The following C1GALT1 variants were observed in gnomAD, a reference collection of about 807,000 sequenced individuals.
C1GALT1 encodes core 1 synthase, glycoprotein-N-acetylgalactosamine 3-beta-galactosyltransferase 1.
A neutral mutation model predicts 31.0 loss-of-function variants in C1GALT1; 11 were observed. That is an observed-to-expected ratio of 0.36 (90% confidence interval 0.22 to 0.59). The LOEUF is 0.59. Among genes scored for constraint, C1GALT1 ranks in the 20% least tolerant of loss-of-function variants. C1GALT1 has a pLI of 0.79. For missense variants in C1GALT1, 424 were observed against 425.2 expected, an observed-to-expected ratio of 1.00 and a Z score of 0.03; for synonymous variants, 175 against 143.6, an observed-to-expected ratio of 1.22 and a Z score of -1.56.
rs1269662705 is a variant in C1GALT1, at chr7:7,245,137, G to A, written c.*1410G>A. 6.6e-6 allele frequency: 1 copy of A among 152,184 alleles called. No homozygotes were observed. 9.4% of individuals were successfully genotyped at this position (152,184 alleles called of 1,614,324 possible). ...GACTTTCTATGAGATTATTTTTATG[G>A]TACAAAGTATTTACATTTCCCTCAT... On this transcript the variant is annotated 3_prime_UTR_variant, in exon 4 of 4. Transcript: ENST00000436587.
At chr7:7,215,212 G>A (rs939007682) in intron 1 of C1GALT1, among the ~76,000 whole-genome samples, 1 of 152,196 alleles carries the variant, frequency 6.6e-6, no homozygotes, top group Admixed American at 6.5e-5. Flanking sequence ...CAGGCTTACG[G>A]AGTCCTGGGC....
At chr7:7,231,931 G>T (rs1014050572) in intron 1 of C1GALT1, among the ~76,000 whole-genome samples, 3 of 152,228 alleles carry the variant, frequency 2.0e-5, no homozygotes, top group African/African-American at 7.2e-5. Context: ...CCGTTGTAAA[G>T]ATTGGTCTAT....
At chr7:7,219,340 G>C (rs1404818122) in intron 1 of C1GALT1, among the ~76,000 whole-genome samples, 2 of 152,260 alleles carry the variant, frequency 1.3e-5, no homozygotes, top group East Asian at 1.9e-4. Context: ...GTAAACTGTA[G>C]ACTTTGAATG....
intron 2 of C1GALT1, among the ~76,000 whole-genome samples, chr7:7,163,029 G>A (rs150966153): frequency 2.0e-5 from 3 of 151,996 alleles, no homozygotes; most frequent in Non-Finnish European, 2.9e-5. Flanking sequence ...TTTGTCAGAT[G>A]AGTAGGTTGT....
chr7:7,196,125 A>G (rs1781275645), intron 1 of C1GALT1, among the ~76,000 whole-genome samples: 1 of 152,210 alleles, frequency 6.6e-6, no homozygotes, highest in Non-Finnish European at 1.5e-5. Flanking sequence ...CACGTTTGTT[A>G]CATATGTATA....
chr7:7,225,569 T>C (rs1253522754), intron 1 of C1GALT1, among the ~76,000 whole-genome samples: 1 of 152,232 alleles, frequency 6.6e-6, no homozygotes, highest in Non-Finnish European at 1.5e-5. Context: ...TATTTTTGTT[T>C]GTTGAAAAGC....
intron 1 of C1GALT1, among the ~76,000 whole-genome samples, chr7:7,213,036 T>C (rs375214068): frequency 2.6e-5 from 4 of 152,344 alleles, no homozygotes; most frequent in African/African-American, 9.6e-5. Flanking sequence ...GGATCAACAA[T>C]ATTCCAAGCA....
intron 1 of C1GALT1, among the ~76,000 whole-genome samples, chr7:7,222,937 T>C (rs1204713970): frequency 1.3e-5 from 2 of 150,572 alleles, no homozygotes; most frequent in Non-Finnish European, 2.9e-5. Flanking sequence ...AAGATTTTTG[T>C]AGTTAAGCTT....
At chr7:7,163,376 AC>A (rs1780359036) in intron 2 of C1GALT1, among the ~76,000 whole-genome samples, 1 of 152,148 alleles carries the variant, frequency 6.6e-6, no homozygotes, top group Admixed American at 6.5e-5. Context: ...ATGGGCAAAA[AC>A]TGGAAGCATT....
intron 2 of C1GALT1, among the ~76,000 whole-genome samples, chr7:7,175,797 C>G (rs1780499394): frequency 6.6e-6 from 1 of 152,024 alleles, no homozygotes; most frequent in African/African-American, 2.4e-5. Context: ...GACTTGGTTT[C>G]TGCTGAGGGC....
intron 1 of C1GALT1, among the ~76,000 whole-genome samples, chr7:7,188,474 T>G (rs1223249389): frequency 6.6e-6 from 1 of 152,218 alleles, no homozygotes; most frequent in Non-Finnish European, 1.5e-5. Context: ...TAGTGGACTT[T>G]AATTTTTATC....
rs1331818184 is a variant in C1GALT1, at chr7:7,245,251, T to G, written c.*1524T>G. On this transcript the variant is annotated 3_prime_UTR_variant, in exon 4 of 4. Transcript: ENST00000436587. The stretch of plus-strand genomic sequence containing the variant: ...TTTCTTTTTTCGGAGACTGTCTCAC[T>G]CTGTCTCCCAGGCTGGACTGCAGTG... The G allele has an allele frequency of 6.6e-6, 1 of 152,292 alleles. No homozygotes were observed. The highest frequency in any genetic ancestry group is 1.5e-5 in the Non-Finnish European group (1 of 68,056). The allele number at this position is 152,292 out of a possible 1,614,324, so 9.4% of individuals were successfully genotyped here.
chr7:7,182,625 A>C lies in C1GALT1; in HGVS notation c.-213A>C. On this transcript the variant is annotated 5_prime_UTR_variant, in exon 1 of 4. Coordinates refer to ENST00000436587, the MANE Select transcript of C1GALT1 (RefSeq NM_020156.5). ...GGGAGGGGCGGAGCGAGCGGGCGGG[A>C]GCGCGCGCTGGGCCCGCCTTGGCCG... The C allele has an allele frequency of 1.6e-5, 3 of 182,042 alleles. No individual in the cohort carries two copies. The highest frequency in any genetic ancestry group is 3.1e-5 in the Non-Finnish European group (3 of 95,528). The allele number at this position is 182,042 out of a possible 1,614,324, so 11.3% of individuals were successfully genotyped here.
At chr7:7,193,750 C>T (rs547903016) in intron 1 of C1GALT1, among the ~76,000 whole-genome samples, 58 of 151,958 alleles carry the variant, frequency 3.8e-4, no homozygotes, top group Middle Eastern at 6.8e-3. Context: ...ACATTGAATC[C>T]GTAGATTGCT....
At chr7:7,234,843 C>CTT (rs2128249226) in intron 2 of C1GALT1, 1 of 190,834 alleles carries the variant, frequency 5.2e-6, no homozygotes, top group East Asian at 1.3e-4. Flanking sequence ...ATATGTGTGT[C>CTT]TTTGGTTTTT....
At chr7:7,198,311 T>C (rs111593870) in intron 1 of C1GALT1, among the ~76,000 whole-genome samples, 4,933 of 152,294 alleles carry the variant, frequency 0.032, 181 homozygotes, top group African/African-American at 0.089. Flanking sequence ...TTGTCTTTGG[T>C]TCTGTTTATA....
At chr7:7,183,652 C>A (rs1434732248) in intron 1 of C1GALT1, 12 of 959,618 alleles carry the variant, frequency 1.3e-5, no homozygotes, top group Non-Finnish European at 1.4e-5. Flanking sequence ...TTATTCTTTC[C>A]TGGTCCTTAC....
chr7:7,173,818 A>G (rs926980080), intron 2 of C1GALT1, among the ~76,000 whole-genome samples: 13 of 152,186 alleles, frequency 8.5e-5, no homozygotes, highest in African/African-American at 9.6e-5. Context: ...CAGGAGGATC[A>G]CTTAAGCCTG....
intron 1 of C1GALT1, among the ~76,000 whole-genome samples, chr7:7,222,325 T>C (rs1782546130): frequency 6.6e-6 from 1 of 152,226 alleles, no homozygotes; most frequent in Non-Finnish European, 1.5e-5. Flanking sequence ...ATGATTTATG[T>C]AGTCCAAAAA....
Sources: gnomAD v4.1 joint callset for allele counts (sites outside exome capture counted in the v4.1 genomes callset) on GRCh38, gnomAD v4.1.1 for gene constraint, MANE v1.5 for transcripts, NCBI Gene and HGNC (gene_info 2026-07-23, HGNC 2026-07-21) for gene names.